The following RFX3 variants were observed in gnomAD, a reference collection of about 807,000 sequenced individuals.
RFX3 encodes the protein regulatory factor X3.
Under a neutral mutation model 98.6 loss-of-function variants are expected in RFX3, and 14 were observed. The ratio of observed to expected loss-of-function variants is 0.14; its 90% CI spans 0.09 to 0.22. RFX3 has a LOEUF of 0.22. RFX3 is among the 10% of genes least tolerant of loss of function. The pLI, the probability that RFX3 is intolerant of heterozygous loss-of-function variation, is 1.00. For missense variants in RFX3, 639 were observed against 926.9 expected (o/e 0.69, Z 4.03); for synonymous variants, 383 against 328.4 (o/e 1.17, Z -1.80).
intron 1 of RFX3, among the ~76,000 whole-genome samples, chr9:3,460,284 T>C (rs1847570300): frequency 6.6e-6 from 1 of 152,068 alleles, no homozygotes; most frequent in African/African-American, 2.4e-5. Flanking sequence ...CAAATTAAAT[T>C]ATATGTTACT....
At chr9:3,271,481 C>T (rs998762433) in intron 9 of RFX3, among the ~76,000 whole-genome samples, 1 of 144,408 alleles carries the variant, frequency 6.9e-6, no homozygotes, top group African/African-American at 2.6e-5. Context: ...TCTTTCCTTC[C>T]TTCCCTTCCC....
chr9:3,352,890 G>A (rs964715164), intron 2 of RFX3, among the ~76,000 whole-genome samples: 4 of 151,858 alleles, frequency 2.6e-5, no homozygotes, highest in East Asian at 1.9e-4. Flanking sequence ...ATAAAGACAC[G>A]TGCACACGTA....
intron 1 of RFX3, among the ~76,000 whole-genome samples, chr9:3,495,479 T>C (rs1368221582): frequency 6.6e-6 from 1 of 152,112 alleles, no homozygotes; most frequent in African/African-American, 2.4e-5. Flanking sequence ...GATTTATTTT[T>C]GGCAGTATTT....
intron 6 of RFX3, among the ~76,000 whole-genome samples, chr9:3,289,544 C>G (rs3012692): frequency 0.24 from 36,643 of 151,908 alleles, 6,632 homozygotes; most frequent in African/African-American, 0.52. Flanking sequence ...AGTAGAGGTA[C>G]GGTAGGAAGC....
chr9:3,524,858 CACACACACACACACACACA>C (rs1564205374), intron 1 of RFX3, among the ~76,000 whole-genome samples: 8 of 141,800 alleles, frequency 5.6e-5, no homozygotes, highest in African/African-American at 1.2e-4. Flanking sequence ...CACACACACA[CACACACACACACACACACA>C]CCAAAGAAGA....
chr9:3,299,076 A>T (rs902333679), intron 5 of RFX3, among the ~76,000 whole-genome samples: 3 of 151,748 alleles, frequency 2.0e-5, no homozygotes, highest in Non-Finnish European at 4.4e-5. Context: ...CACAAACCTC[A>T]AATAATTCTA....
In RFX3 at chr9:3,275,621, G is replaced by T; in HGVS notation, c.974-9C>A. 2 of 1,529,896 alleles carry T rather than the reference G, an allele frequency of 1.3e-6. No individual in the cohort carries two copies. Among genetic ancestry groups the T allele is most frequent in the Non-Finnish European group, 9.1e-7 (1 of 1,104,540 alleles). 94.8% of individuals were successfully genotyped at this position (1,529,896 alleles called of 1,614,324 possible). Reference sequence around the variant, plus strand: ...AAGTGCTCGAGATGCATCTGTTACCGTGACAACAGAACAGAAAAAAGCTAT... The same window carrying T: ...AAGTGCTCGAGATGCATCTGTTACCTTGACAACAGAACAGAAAAAAGCTAT... On this transcript the variant is annotated splice_polypyrimidine_tract_variant and intron_variant, in intron 8 of 16. Coordinates refer to ENST00000617270, the MANE Select transcript of RFX3 (RefSeq NM_001282116.2).
intron 15 of RFX3, among the ~76,000 whole-genome samples, chr9:3,232,249 G>A (rs116468804): frequency 3.3e-5 from 5 of 152,174 alleles, no homozygotes; most frequent in African/African-American, 7.2e-5. Context: ...CTTCACTGAC[G>A]TGACATCTTA....
chr9:3,456,975 C>T (rs558773224), intron 1 of RFX3, among the ~76,000 whole-genome samples: 5 of 151,456 alleles, frequency 3.3e-5, no homozygotes, highest in African/African-American at 1.2e-4. Context: ...GGTGAAACCC[C>T]GTCTCTACTA....
chr9:3,428,946 ATAATACTCTC>A (rs1481866894), intron 1 of RFX3, among the ~76,000 whole-genome samples: 2 of 150,678 alleles, frequency 1.3e-5, no homozygotes, highest in African/African-American at 2.4e-5. Context: ...CCAAGGGCCC[ATAATACTCTC>A]TAATACTCTC....
At chr9:3,388,342 C>T (rs1159565948) in intron 2 of RFX3, among the ~76,000 whole-genome samples, 2 of 152,044 alleles carry the variant, frequency 1.3e-5, no homozygotes, top group African/African-American at 4.8e-5. Context: ...TTGAAGATTG[C>T]CCTTCTCCTG....
chr9:3,378,576 G>C (rs1426976969), intron 2 of RFX3, among the ~76,000 whole-genome samples: 9 of 116,018 alleles, frequency 7.8e-5, no homozygotes, highest in Non-Finnish European at 1.4e-4. Context: ...TTTTTTTTGA[G>C]ATGGAGTTTC....
At chr9:3,329,274 G>A (rs1269095996) in intron 4 of RFX3, among the ~76,000 whole-genome samples, 2 of 151,714 alleles carry the variant, frequency 1.3e-5, no homozygotes, top group African/African-American at 2.4e-5. Flanking sequence ...CAGGCATGGT[G>A]GCATGTGGCT....
chr9:3,315,951 G>GA, intron 4 of RFX3, among the ~76,000 whole-genome samples: 1 of 152,306 alleles, frequency 6.6e-6, no homozygotes, highest in Middle Eastern at 3.4e-3. Context: ...GAGGTACAAA[G>GA]AGGAGCTGGT....
chr9:3,347,010 T>A (rs1407061118), intron 2 of RFX3, among the ~76,000 whole-genome samples: 1 of 152,188 alleles, frequency 6.6e-6, no homozygotes, highest in Admixed American at 6.5e-5. Flanking sequence ...ACATTTCAAC[T>A]GTTCAGGTTT....
In RFX3 at chr9:3,288,384, A is replaced by T. The variant is rs868374347; in HGVS notation, c.732-134T>A. The stretch of plus-strand genomic sequence containing the variant: ...AGTTAATGTTACATATTTATGATTA[A>T]CCTGTTCTGAATACTTTTATGTTTT... On this transcript the variant is annotated intron_variant, in intron 6 of 16. Coordinates refer to ENST00000617270, the MANE Select transcript of RFX3 (RefSeq NM_001282116.2). 7.5e-6 allele frequency: 5 copies of T among 669,590 alleles called. No individual in the cohort carries two copies. The Middle Eastern group carries it at 1.5e-3, about 201-fold the overall frequency. 41.5% of individuals were successfully genotyped at this position (669,590 alleles called of 1,614,324 possible).
At chr9:3,393,243 G>A (rs1840505462) in intron 2 of RFX3, among the ~76,000 whole-genome samples, 1 of 152,102 alleles carries the variant, frequency 6.6e-6, no homozygotes, top group Admixed American at 6.6e-5. Context: ...TGCCTATGAG[G>A]AGTGGTTTGT....
At chr9:3,264,060 T>A (rs1161520040) in intron 12 of RFX3, among the ~76,000 whole-genome samples, 1 of 152,154 alleles carries the variant, frequency 6.6e-6, no homozygotes, top group East Asian at 1.9e-4. Flanking sequence ...TGCTTTACTA[T>A]TCCTCTTTGT....
At chr9:3,292,596 G>C (rs1299791751) in intron 6 of RFX3, among the ~76,000 whole-genome samples, 1 of 152,074 alleles carries the variant, frequency 6.6e-6, no homozygotes, top group African/African-American at 2.4e-5. Context: ...TGAAAAAACT[G>C]CTTTAGTTTC....
Sources: allele counts gnomAD v4.1 joint callset (sites outside exome capture counted in the v4.1 genomes callset), GRCh38; gene constraint gnomAD v4.1.1; transcripts MANE v1.5; gene names NCBI Gene and HGNC (gene_info 2026-07-23, HGNC 2026-07-21).